ZNF846: variants seen among roughly 807,000 people sequenced by gnomAD.
The protein encoded by ZNF846 is zinc finger protein 420 pseudogene.
A neutral mutation model predicts 16.0 loss-of-function variants in ZNF846; 15 were observed. That is an observed-to-expected ratio of 0.94 (90% CI 0.63 to 1.45). The LOEUF is 1.45. Among genes scored for constraint, ZNF846 ranks in the 40% most tolerant of loss-of-function variants. The pLI is 0.00. For missense variants in ZNF846, 714 were observed against 622.3 expected, an observed-to-expected ratio of 1.15 and a Z score of -1.57; for synonymous variants, 229 against 212.0, an observed-to-expected ratio of 1.08 and a Z score of -0.70.
intron 1 of ZNF846, among the ~76,000 whole-genome samples, chr19:9,783,526 TAAAAAAAA>T (rs1161223088): frequency 2.8e-5 from 3 of 106,190 alleles, no homozygotes; most frequent in African/African-American, 3.5e-5. Flanking sequence ...GTCTCATCAC[TAAAAAAAA>T]AAAAAAAAAA....
At chr19:9,757,853 C>T in exon 6 of ZNF846, 2 of 1,612,544 alleles carry the variant, frequency 1.2e-6, no homozygotes, top group Non-Finnish European at 8.5e-7. Flanking sequence ...GTTGACTAAG[C>T]ATTGAGGAAT....
upstream of ZNF846, among the ~76,000 whole-genome samples, chr19:9,773,370 A>G (rs1485086150): frequency 6.6e-6 from 1 of 152,078 alleles, no homozygotes; most frequent in African/African-American, 2.4e-5. Context: ...AATAGAAATT[A>G]GTGAATACTT....
At chr19:9,764,437 C>T (rs573096155) in intron 2 of ZNF846, among the ~76,000 whole-genome samples, 4 of 152,280 alleles carry the variant, frequency 2.6e-5, no homozygotes, top group African/African-American at 9.6e-5. Flanking sequence ...GTATACTGTA[C>T]TTCTACATAC....
At chr19:9,780,056 T>G (rs569400188) in intron 1 of ZNF846, among the ~76,000 whole-genome samples, 7 of 148,464 alleles carry the variant, frequency 4.7e-5, no homozygotes, top group East Asian at 2.0e-4. Flanking sequence ...TTGTTTTTTT[T>G]TTTGTTTTTT....
chr19:9,757,520 T>A (rs908419860), exon 6 of ZNF846: 10 of 1,610,062 alleles, frequency 6.2e-6, no homozygotes, highest in Non-Finnish European at 8.5e-6. Flanking sequence ...TAGCAAGTGC[T>A]GAAGATTGAG....
At chr19:9,785,544 GGAGTCCCCGCCCCTGTCTCAACCAAGACC>G (rs1198920506) in intron 1 of ZNF846, among the ~76,000 whole-genome samples, 1 of 24,234 alleles carries the variant, frequency 4.1e-5, no homozygotes, top group Non-Finnish European at 7.8e-5. Flanking sequence ...TCTCGCTCAC[GGAGTCCCCGCCCCTGTCTCAACCAAGACC>G]GAGTCCCCGC....
At chr19:9,782,072 C>A (rs562444432) in intron 1 of ZNF846, among the ~76,000 whole-genome samples, 1 of 151,800 alleles carries the variant, frequency 6.6e-6, no homozygotes, top group African/African-American at 2.4e-5. Context: ...CCACCGCACC[C>A]GGCCTAATAA....
chr19:9,755,510 G>A (rs1377824875), downstream of ZNF846: 2 of 151,434 alleles, frequency 1.3e-5, no homozygotes, highest in African/African-American at 4.9e-5. Flanking sequence ...ACTGCTAAAA[G>A]TATTACCAGG....
rs763979577 is a variant in ZNF846, at chr19:9,758,247, CTG to C, written c.828_829del (p.His276GlnfsTer7). The C allele has an allele frequency of 1.2e-6, 2 of 1,613,004 alleles. No individual in the cohort carries two copies. The highest frequency in any genetic ancestry group is 1.1e-5 in the South Asian group (1 of 91,066). On this transcript the variant is annotated frameshift_variant, in exon 6 of 6. Coordinates refer to ENST00000397902, the Ensembl canonical transcript of ZNF846. LOFTEE classifies it low-confidence loss of function (END_TRUNC). ...TTTACATTTATATGGTTTTTCTCCA[CTG>C]TGAGTTCTGATGTGTAATTTAAGTC...
At chr19:9,756,427 TC>T (rs948851845), downstream of ZNF846, 4 of 145,474 alleles carry the variant, frequency 2.7e-5, no homozygotes, top group Non-Finnish European at 5.9e-5. Context: ...GTTTCTGGCC[TC>T]TTTGAGATTA....
chr19:9,767,652 G>T (rs1204374026), intron 1 of ZNF846, among the ~76,000 whole-genome samples: 1 of 151,516 alleles, frequency 6.6e-6, no homozygotes, highest in African/African-American at 2.4e-5. Flanking sequence ...ATATGAGGGG[G>T]AAGGCCAGGC....
chr19:9,779,490 A>ACTCCCGACCTCAGGTGATCTGT (rs1297028845), intron 1 of ZNF846, among the ~76,000 whole-genome samples: 7 of 148,794 alleles, frequency 4.7e-5, no homozygotes, highest in Non-Finnish European at 8.9e-5. Context: ...CTGGTCTCAA[A>ACTCCCGACCTCAGGTGATCTGT]CTCCCGACCT....
intron 1 of ZNF846, among the ~76,000 whole-genome samples, chr19:9,768,055 T>C (rs2045345222): frequency 6.6e-6 from 1 of 152,200 alleles, no homozygotes; most frequent in African/African-American, 2.4e-5. Context: ...TGGAAGCCCC[T>C]CCGTTTTGAA....
chr19:9,755,731 C>T (rs1199979428), downstream of ZNF846: 14 of 107,320 alleles, frequency 1.3e-4, no homozygotes, highest in Admixed American at 6.8e-4. Flanking sequence ...ACCCGGGAGG[C>T]GGAGCTTGCA....
At chr19:9,763,397 G>A (rs1301273722) in exon 3 of ZNF846, 1 of 1,608,234 alleles carries the variant, frequency 6.2e-7, no homozygotes, top group Admixed American at 1.7e-5. Context: ...CATCCTCAAA[G>A]GTCACTAAGT....
At chr19:9,770,903 AAAAAT>A (rs2045384523), upstream of ZNF846, among the ~76,000 whole-genome samples, 1 of 152,158 alleles carries the variant, frequency 6.6e-6, no homozygotes, top group African/African-American at 2.4e-5. Flanking sequence ...CCCCAGCTCA[AAAAAT>A]AAAACCTAGA....
At chr19:9,757,950 G>C (rs1442965142) in exon 6 of ZNF846, 1 of 1,613,554 alleles carries the variant, frequency 6.2e-7, no homozygotes, top group Admixed American at 1.7e-5. Flanking sequence ...TGAGGAACGA[G>C]TAAAAGCTTT....
At chr19:9,752,939 C>T (rs1441351572), downstream of ZNF846, among the ~76,000 whole-genome samples, 1 of 151,886 alleles carries the variant, frequency 6.6e-6, no homozygotes, top group Non-Finnish European at 1.5e-5. Context: ...TAATAAACAA[C>T]ATAAATTTAT....
At chr19:9,754,643 C>G (rs1346793482), downstream of ZNF846, among the ~76,000 whole-genome samples, 2 of 140,344 alleles carry the variant, frequency 1.4e-5, no homozygotes, top group Non-Finnish European at 3.2e-5. Context: ...CCAAATTATG[C>G]CATTAGATTG....
Sources: gnomAD v4.1 joint callset for allele counts (sites outside exome capture counted in the v4.1 genomes callset) on GRCh38, gnomAD v4.1.1 for gene constraint, MANE v1.5 for transcripts, NCBI Gene and HGNC (gene_info 2026-07-23, HGNC 2026-07-21) for gene names.